The following VCAN variants were observed in gnomAD, a reference collection of about 807,000 sequenced individuals.
VCAN encodes versican core protein.
VCAN carries 44 observed loss-of-function variants against 245.5 expected under a neutral mutation model. That is an observed-to-expected ratio of 0.18 (90% CI 0.14 to 0.23). The LOEUF is 0.23. VCAN is among the 10% of genes least tolerant of loss of function. The probability of loss-of-function intolerance (pLI) is 1.00; values close to 1 mark genes in which losing one functional copy is unlikely to be tolerated. For synonymous variants in VCAN, 1,413 were observed against 1,437.0 expected (o/e 0.98, Z 0.38); for missense variants, 3,793 against 4,057.9 (o/e 0.93, Z 1.77).
In VCAN at chr5:83,483,446, A is replaced by T. The variant is rs116880125; in HGVS notation, c.-6-67A>T. On this transcript the variant is annotated intron_variant, in intron 1 of 14. Transcript: ENST00000265077. ...TTATTACATACAATGCACAAAAAGC[A>T]TGTGATTTATGACCCACTTTAAACC... 1.1e-3 allele frequency: 1,433 copies of T among 1,281,822 alleles called. 14 individuals are homozygous for T. The East Asian group carries it at 0.023, about 21-fold the overall frequency. The allele number at this position is 1,281,822 out of a possible 1,614,324, so 79.4% of individuals were successfully genotyped here. A position where few individuals can be genotyped will look rare whatever the true frequency, so the allele number is the denominator to read the frequency against.
intron 2 of VCAN, among the ~76,000 whole-genome samples, chr5:83,484,513 A>G (rs1240276233): frequency 1.9e-5 from 1 of 52,476 alleles, no homozygotes; most frequent in African/African-American, 8.4e-5. Flanking sequence ...CCATCCTTCC[A>G]TCCATCCATC....
At position 83,495,116 on chromosome 5, in the gene VCAN, C is replaced by G. The variant is rs548273861; in HGVS notation, c.748+1185C>G. On this transcript the variant is annotated intron_variant, in intron 5 of 14. Transcript: ENST00000265077. Reference sequence around the variant, plus strand: ...GATAATAGTGTTAAATTAAATTATACTTTTAATTTTGAGTAGGTGCATATA... The same window carrying G: ...GATAATAGTGTTAAATTAAATTATAGTTTTAATTTTGAGTAGGTGCATATA... 2.9e-3 allele frequency among the ~76,000 whole-genome samples: 439 copies of G among 152,234 alleles called. 1 individual carries two copies. Among genetic ancestry groups the G allele is most frequent in the Middle Eastern group, 6.8e-3 (2 of 294 alleles).
intron 1 of VCAN, among the ~76,000 whole-genome samples, chr5:83,482,594 C>T (rs1744650175): frequency 6.6e-6 from 1 of 152,300 alleles, no homozygotes; most frequent in Admixed American, 6.5e-5. Context: ...ACTGTAAAAA[C>T]CAAATAATCT....
At chr5:83,476,114 C>A (rs1025149174) in intron 1 of VCAN, among the ~76,000 whole-genome samples, 1 of 152,142 alleles carries the variant, frequency 6.6e-6, no homozygotes, top group Admixed American at 6.5e-5. Flanking sequence ...AAAGATACTA[C>A]CCATTGTTCT....
chr5:83,557,036 T>G (rs1747697126), intron 12 of VCAN, among the ~76,000 whole-genome samples: 2 of 152,084 alleles, frequency 1.3e-5, no homozygotes, highest in Admixed American at 1.3e-4. Flanking sequence ...TGCCCAGGAC[T>G]CAGCTGGCCA....
intron 7 of VCAN, among the ~76,000 whole-genome samples, chr5:83,529,106 T>A (rs1376091553): frequency 1.3e-5 from 2 of 151,890 alleles, no homozygotes; most frequent in East Asian, 3.9e-4. Flanking sequence ...AATTACAATA[T>A]ACTAACTACA....
At chr5:83,485,929 A>G (rs1744778279) in intron 2 of VCAN, among the ~76,000 whole-genome samples, 2 of 152,098 alleles carry the variant, frequency 1.3e-5, no homozygotes, top group African/African-American at 4.8e-5. Flanking sequence ...GTGAGACCCT[A>G]TCTCTACAAA....
chr5:83,483,231 C>A (rs1043274946), intron 1 of VCAN, among the ~76,000 whole-genome samples: 5 of 152,210 alleles, frequency 3.3e-5, no homozygotes, highest in Non-Finnish European at 7.3e-5. Flanking sequence ...GTGGTTGTCA[C>A]ACACATCCAC....
At position 83,537,316 on chromosome 5, in the gene VCAN, C is replaced by A. The variant is rs1320157911; in HGVS notation, c.4313C>A (p.Ala1438Glu). Reference sequence around the variant, plus strand: ...AGGCGTGGCCAGTTTGAAAGTGTTGCACCTTCTCAGAATTTCTCGGACAGC... The same window carrying A: ...AGGCGTGGCCAGTTTGAAAGTGTTGAACCTTCTCAGAATTTCTCGGACAGC... ...EARRGQFESVAPSQNFSDSSE... is the reference protein window; with the variant it reads ...EARRGQFESVEPSQNFSDSSE... The change falls in exon 8 of 15, where the codon GCA becomes GAA. Residue 1438 changes from alanine to glutamate, a missense_variant. This residue lies in a region of VCAN where 3,182 missense variants were observed against 3,250.3 expected (regional missense o/e 0.98). Transcript: ENST00000265077. 1 of 1,613,994 alleles carries A rather than the reference C, an allele frequency of 6.2e-7. No individual in the cohort carries two copies. Among genetic ancestry groups the A allele is most frequent in the Non-Finnish European group, 8.5e-7 (1 of 1,179,954 alleles).
At chr5:83,486,756 A>G (rs908877488) in intron 2 of VCAN, among the ~76,000 whole-genome samples, 1 of 152,208 alleles carries the variant, frequency 6.6e-6, no homozygotes, top group Admixed American at 6.5e-5. Context: ...GTCTTTACCT[A>G]TTCTTTGTAA....
At chr5:83,516,931 C>A (rs140981656) in intron 6 of VCAN, among the ~76,000 whole-genome samples, 178 of 152,226 alleles carry the variant, frequency 1.2e-3, no homozygotes, top group African/African-American at 4.1e-3. Flanking sequence ...AAAAAGCCAC[C>A]CAAACTGAAA....
chr5:83,518,937 G>T (rs1015284848), intron 6 of VCAN, among the ~76,000 whole-genome samples: 2 of 152,186 alleles, frequency 1.3e-5, no homozygotes, highest in African/African-American at 4.8e-5. Flanking sequence ...GAAGCCTCCA[G>T]AAGAATAGTA....
chr5:83,521,117 A>T lies in VCAN; in HGVS notation c.2811A>T (p.Val937=). Residue 937 remains valine, a synonymous_variant, in exon 7 of 15, where the codon GTA becomes GTT. Transcript: ENST00000265077. ...EVEDVDLSKP[V]STVPQFAHTS... The stretch of plus-strand genomic sequence containing the variant: ...AAGATGTGGACCTCTCTAAGCCAGT[A>T]TCTACTGTTCCCCAATTTGCACACA... 1 of 1,614,144 alleles carries T rather than the reference A, an allele frequency of 6.2e-7. No homozygotes were observed. Among genetic ancestry groups the T allele is most frequent in the African/African-American group, 1.3e-5 (1 of 75,064 alleles).
chr5:83,550,350 C>T (rs1333289100), intron 10 of VCAN, among the ~76,000 whole-genome samples: 1 of 152,160 alleles, frequency 6.6e-6, no homozygotes, highest in Non-Finnish European at 1.5e-5. Flanking sequence ...TTTGTAACCT[C>T]TTTAAAACCT....
chr5:83,571,412 C>T (rs1464117794), intron 12 of VCAN, among the ~76,000 whole-genome samples: 1 of 151,988 alleles, frequency 6.6e-6, no homozygotes, highest in Non-Finnish European at 1.5e-5. Flanking sequence ...CAAATAATTC[C>T]CTATTATGCT....
intron 12 of VCAN, among the ~76,000 whole-genome samples, chr5:83,570,553 A>G (rs1748248783): frequency 6.6e-6 from 1 of 152,274 alleles, no homozygotes; most frequent in South Asian, 2.1e-4. Flanking sequence ...ATCCTCTAGT[A>G]TATTAATTAT....
intron 1 of VCAN, among the ~76,000 whole-genome samples, chr5:83,474,037 C>T (rs965943225): frequency 6.6e-6 from 1 of 152,130 alleles, no homozygotes; most frequent in African/African-American, 2.4e-5. Flanking sequence ...CTAGACGCGC[C>T]ACCCTGGGCG....
chr5:83,553,124 A>C (rs527669844), intron 10 of VCAN, among the ~76,000 whole-genome samples: 1 of 152,302 alleles, frequency 6.6e-6, no homozygotes, highest in African/African-American at 2.4e-5. Flanking sequence ...GGCTTTAATC[A>C]AGGAAGTTGC....
At chr5:83,525,052 T>TTC (rs966132754) in intron 7 of VCAN, among the ~76,000 whole-genome samples, 18 of 151,720 alleles carry the variant, frequency 1.2e-4, no homozygotes, top group Admixed American at 3.9e-4. Flanking sequence ...TCTTGTTTTT[T>TTC]TTTTTTTTTT....
Sources: gnomAD v4.1 joint callset for allele counts (sites outside exome capture counted in the v4.1 genomes callset) on GRCh38, gnomAD v4.1.1 for gene constraint, gnomAD v4.1.1 regional missense constraint, MANE v1.5 for transcripts, NCBI Gene and HGNC (gene_info 2026-07-23, HGNC 2026-07-21) for gene names.